NUMB: variants seen among roughly 807,000 people sequenced by gnomAD.
The protein encoded by NUMB is protein numb homolog.
A neutral mutation model predicts 59.7 loss-of-function variants in NUMB; 29 were observed. The ratio of observed to expected loss-of-function variants is 0.49; its 90% CI spans 0.36 to 0.66. The LOEUF is 0.66. NUMB is among the 30% of genes least tolerant of loss of function. The pLI is 0.00. For missense variants in NUMB, 723 were observed against 822.0 expected, an observed-to-expected ratio of 0.88 and a Z score of 1.47; for synonymous variants, 288 against 288.2, an observed-to-expected ratio of 1.00 and a Z score of 0.01.
rs546986110 is a variant in NUMB at position 73,443,857 on chromosome 14, T to C, written c.-233+14636A>G. 3.3e-5 allele frequency among the ~76,000 whole-genome samples: 5 copies of C among 151,962 alleles called. No homozygotes were observed. In the East Asian group the frequency reaches 9.7e-4, roughly 30 times the overall value. On this transcript the variant is annotated intron_variant, in intron 1 of 12. Transcript: ENST00000555238. ...TAGTAGAGACAGGGTTTCACTGTGT[T>C]GCCCTCTCGAACTCCTGAGCTCAAG... is the stretch of plus-strand genomic sequence containing the variant.
intron 7 of NUMB, among the ~76,000 whole-genome samples, chr14:73,293,498 TCTC>T (rs550724660): frequency 2.5e-4 from 38 of 151,216 alleles, no homozygotes; most frequent in South Asian, 1.3e-3. Flanking sequence ...TTCAAGCAAT[TCTC>T]CTGCCTCAGC....
intron 4 of NUMB, among the ~76,000 whole-genome samples, chr14:73,328,035 G>T (rs1183981402): frequency 2.0e-5 from 3 of 152,198 alleles, no homozygotes; most frequent in African/African-American, 7.2e-5. Flanking sequence ...AGCACTTTGG[G>T]AGGTGGAGGC....
chr14:73,361,006 A>C (rs1894073266), intron 3 of NUMB, among the ~76,000 whole-genome samples: 1 of 152,018 alleles, frequency 6.6e-6, no homozygotes, highest in South Asian at 2.1e-4. Flanking sequence ...CTCGCATCTC[A>C]GCCTCCCGAG....
intron 9 of NUMB, chr14:73,285,331 CT>C (rs1341388251): frequency 6.6e-6 from 1 of 151,868 alleles, no homozygotes; most frequent in African/African-American, 2.4e-5. Flanking sequence ...GACTCAATCT[CT>C]TTGCAGTTGT....
intron 2 of NUMB, among the ~76,000 whole-genome samples, chr14:73,371,499 C>T (rs2140056151): frequency 6.6e-6 from 1 of 151,926 alleles, no homozygotes; most frequent in South Asian, 2.1e-4. Context: ...TGCGCCACTG[C>T]ACTCCAGCCT....
intron 8 of NUMB, 64 bp from the exon 9 acceptor site, chr14:73,287,378 CTTTTG>C (rs1889088075): frequency 2.1e-5 from 28 of 1,364,446 alleles, no homozygotes; most frequent in Non-Finnish European, 2.3e-5. Flanking sequence ...ACAAATAAGT[CTTTTG>C]TTTTGTTTTG....
chr14:73,450,151 C>T (rs1428615019), intron 1 of NUMB, among the ~76,000 whole-genome samples: 1 of 152,222 alleles, frequency 6.6e-6, no homozygotes, highest in Non-Finnish European at 1.5e-5. Context: ...TAAGTGCCCA[C>T]TATGGGCAAA....
chr14:73,338,353 T>A (rs995966234), intron 4 of NUMB, among the ~76,000 whole-genome samples: 4 of 152,052 alleles, frequency 2.6e-5, no homozygotes, highest in Admixed American at 6.6e-5. Context: ...TACAAATCTA[T>A]CAATAAATGA....
At chr14:73,352,477 C>CATATATATAT (rs1170959840) in intron 4 of NUMB, among the ~76,000 whole-genome samples, 3 of 12,692 alleles carry the variant, frequency 2.4e-4, no homozygotes, top group Non-Finnish European at 5.0e-4. Flanking sequence ...CACACACACA[C>CATATATATAT]ATATATATAT....
intron 2 of NUMB, among the ~76,000 whole-genome samples, chr14:73,372,254 T>C (rs1894709926): frequency 6.9e-6 from 1 of 145,750 alleles, no homozygotes; most frequent in Non-Finnish European, 1.5e-5. Context: ...GGTGAAGTAA[T>C]TGCTTCTAGG....
chr14:73,433,923 G>A (rs1362334361), intron 1 of NUMB, among the ~76,000 whole-genome samples: 4 of 151,974 alleles, frequency 2.6e-5, no homozygotes, highest in Admixed American at 2.0e-4. Context: ...GTGAAACCCC[G>A]TCTCTACTAA....
intron 1 of NUMB, among the ~76,000 whole-genome samples, chr14:73,428,182 CTG>C (rs934908824): frequency 6.6e-6 from 1 of 152,118 alleles, no homozygotes; most frequent in African/African-American, 2.4e-5. Context: ...GAAATAAAAA[CTG>C]TGTTTTAATA....
At chr14:73,308,947 T>C (rs1890614475) in intron 6 of NUMB, among the ~76,000 whole-genome samples, 1 of 152,036 alleles carries the variant, frequency 6.6e-6, no homozygotes, top group African/African-American at 2.4e-5. Flanking sequence ...GTTGTGGAGA[T>C]GATTAAATGG....
At chr14:73,392,864 C>T (rs932088651) in intron 2 of NUMB, among the ~76,000 whole-genome samples, 14 of 151,950 alleles carry the variant, frequency 9.2e-5, no homozygotes, top group Admixed American at 2.6e-4. Flanking sequence ...TAAGAGGATC[C>T]TTAACCTGGT....
chr14:73,276,529 CCCCTGCT>C lies in NUMB; in HGVS notation c.*42_*48del. ...TCTGTTTTGCTCCTTTGACCGCTAC[CCCCTGCT>C]CCCTGTCTGGTATGGACAAGATACA... On this transcript the variant is annotated 3_prime_UTR_variant, in exon 13 of 13. Transcript: ENST00000555238. The C allele has an allele frequency of 6.8e-7, 1 of 1,464,668 alleles. No homozygotes were observed. The highest frequency in any genetic ancestry group is 9.4e-7 in the Non-Finnish European group (1 of 1,061,370). The allele number at this position is 1,464,668 out of a possible 1,614,324, so 90.7% of individuals were successfully genotyped here. A position where few individuals can be genotyped will look rare whatever the true frequency, so the allele number is the denominator to read the frequency against.
At chr14:73,325,575 A>T (rs1891619791) in intron 4 of NUMB, among the ~76,000 whole-genome samples, 1 of 152,354 alleles carries the variant, frequency 6.6e-6, no homozygotes, top group African/African-American at 2.4e-5. Flanking sequence ...GCAATACTCA[A>T]CCTTGGCCCA....
intron 5 of NUMB, 54 bp from the exon 6 acceptor site, chr14:73,316,476 CAG>C: frequency 1.6e-5 from 24 of 1,516,438 alleles, no homozygotes; most frequent in Non-Finnish European, 2.1e-5. Flanking sequence ...CTAAATGTCC[CAG>C]AGTTTCACAC....
chr14:73,381,492 T>C (rs918596273), intron 2 of NUMB, among the ~76,000 whole-genome samples: 1 of 152,222 alleles, frequency 6.6e-6, no homozygotes, highest in African/African-American at 2.4e-5. Flanking sequence ...CTCTAAGCCA[T>C]ACATAGTTCT....
At chr14:73,396,151 T>C (rs112699909) in intron 2 of NUMB, among the ~76,000 whole-genome samples, 5,099 of 152,228 alleles carry the variant, frequency 0.033, 111 homozygotes, top group Non-Finnish European at 0.049. Context: ...GGCACGACCA[T>C]AGCTCACTGT....
Sources: allele counts gnomAD v4.1 joint callset (sites outside exome capture counted in the v4.1 genomes callset), GRCh38; gene constraint gnomAD v4.1.1; transcripts MANE v1.5; gene names NCBI Gene and HGNC (gene_info 2026-07-23, HGNC 2026-07-21).